Variants in FAM186A observed in about 807,000 individuals in gnomAD.
FAM186A encodes the protein protein FAM186A.
In FAM186A, 163 loss-of-function variants were observed where a neutral mutation model predicts 216.8. The ratio of observed to expected loss-of-function variants is 0.75; its 90% CI spans 0.66 to 0.86. FAM186A has a LOEUF of 0.86. FAM186A is among the 40% of genes least tolerant of loss of function. The pLI, the probability that FAM186A is intolerant of heterozygous loss-of-function variation, is 0.00. For missense variants in FAM186A, 2,184 were observed against 2,746.2 expected (o/e 0.80, Z 4.58); for synonymous variants, 805 against 1,025.3 (o/e 0.79, Z 4.10).
intron 3 of FAM186A, among the ~76,000 whole-genome samples, chr12:50,358,922 C>CAT (rs1943004616): frequency 8.4e-6 from 1 of 118,730 alleles, no homozygotes; most frequent in Non-Finnish European, 1.7e-5. Flanking sequence ...GACTCTGTCT[C>CAT]AAAAAAAAAA....
At position 50,354,895 on chromosome 12, in the gene FAM186A, A is replaced by C. The variant is rs1244277409; in HGVS notation, c.1937T>G (p.Val646Gly). Residue 646 changes from valine (V) to glycine (G), a missense_variant, in exon 4 of 8, where the codon GTG (valine) becomes GGG (glycine). Physicochemically the swap from Val to Gly is moderately radical, Grantham distance 109. This residue lies in a region of FAM186A where 1,132 missense variants were observed against 1,263.4 expected (regional missense o/e 0.90). Transcript: ENST00000327337. ...GGTAGATTCTGAAGTCTCTTTAGCC[A>C]CTCTTGAGAGTGATTTAACAAGTTG... is the stretch of plus-strand genomic sequence containing the variant. Reference protein sequence around the residue: ...SHQLVKSLSRVAKETSESTRV... With the variant: ...SHQLVKSLSRGAKETSESTRV... 6.5e-7 allele frequency: 1 copy of C among 1,550,244 alleles called. No homozygotes were observed. The highest frequency in any genetic ancestry group is 8.7e-7 in the Non-Finnish European group (1 of 1,146,804).
Position 50,363,329 on chromosome 12 carries a change from A to C in FAM186A, c.228T>G (p.Asn76Lys), listed in dbSNP as rs996398682. The C allele has an allele frequency of 6.4e-7, 1 of 1,551,114 alleles. No homozygotes were observed. Among genetic ancestry groups the C allele is most frequent in the Non-Finnish European group, 8.7e-7 (1 of 1,146,874 alleles). The change falls in exon 2 of 8, where the codon AAT becomes AAG. Residue 76 changes from asparagine (N) to lysine (K), a missense_variant. By Grantham distance (94) the Asn-to-Lys change is moderately conservative. Coordinates refer to ENST00000327337, the MANE Select transcript of FAM186A (RefSeq NM_001145475.3). ...TATAGCGAGTCATTATCCGATGCAC[A>C]TTGTTCATTATTTCACTCAGCTGCA... ...IDMQLSEIMN[N>K]VHRIMTRYTL... is the part of the protein sequence containing the mutation.
At position 50,334,083 on chromosome 12, in the gene FAM186A, A is replaced by G; in HGVS notation, c.6524T>C (p.Leu2175Pro). The change falls in exon 5 of 8, where the codon CTA (leucine) becomes CCA (proline). Residue 2175 changes from leucine to proline, a missense_variant. This residue lies in a region of FAM186A where 721 missense variants were observed against 816.4 expected (regional missense o/e 0.88). Transcript: ENST00000327337. ...TTTCCCAGTATTTTGGATGGCTTTT[A>G]GTCGTTTCATTATGTTGTTCCTTGA... ...QHARNNIMKRLKAIQNTGKGY... is the reference protein window; with the variant it reads ...QHARNNIMKRPKAIQNTGKGY... The G allele has an allele frequency of 3.2e-6, 5 of 1,547,338 alleles. No individual in the cohort carries two copies. The highest frequency in any genetic ancestry group is 3.5e-6 in the Non-Finnish European group (4 of 1,145,852).
chr12:50,360,193 G>A (rs1041950798), intron 3 of FAM186A, among the ~76,000 whole-genome samples: 46 of 148,884 alleles, frequency 3.1e-4, no homozygotes, highest in Non-Finnish European at 5.9e-4. Flanking sequence ...GCAGTGAACT[G>A]AGATCTGGCC....
chr12:50,353,850 T>A lies in FAM186A; in HGVS notation c.2982A>T (p.Gln994His). 6.4e-7 allele frequency: 1 copy of A among 1,551,686 alleles called. No individual in the cohort carries two copies. The highest frequency in any genetic ancestry group is 8.7e-7 in the Non-Finnish European group (1 of 1,146,972). The change falls in exon 4 of 8, where the codon CAA becomes CAT. Residue 994 changes from glutamine to histidine, a missense_variant. Transcript: ENST00000327337. Reference sequence around the variant, plus strand: ...TGACCATTTTTTCTAGCTCTTTAGGTTGTGTTTCCTTCATCTGCATCTGAT... The same window carrying A: ...TGACCATTTTTTCTAGCTCTTTAGGATGTGTTTCCTTCATCTGCATCTGAT... ...TKDQMQMKET[Q>H]PKELEKMVIQ...
Position 50,355,734 on chromosome 12 carries a change from T to A in FAM186A, c.1098A>T (p.Lys366Asn). The change falls in exon 4 of 8, where the codon AAA becomes AAT. Residue 366 changes from lysine to asparagine, a missense_variant. Physicochemically the swap from Lys to Asn is moderately conservative, Grantham distance 94. Around this residue, in one of 7 missense-constraint regions of FAM186A, gnomAD observed 1,132 missense variants for 1,263.4 expected, o/e 0.90. Coordinates refer to ENST00000327337, the MANE Select transcript of FAM186A (RefSeq NM_001145475.3). ...CCATATTGTCCTCAGTATCACCAAC[T>A]TTGATTATCGCCCTGGATGACTGTG... is the stretch of plus-strand genomic sequence containing the variant. Reference protein sequence around the residue: ...PSPQSSRAIIKVGDTEDNMDN... With the variant: ...PSPQSSRAIINVGDTEDNMDN... 6.4e-7 allele frequency: 1 copy of A among 1,551,660 alleles called. No homozygotes were observed. Among genetic ancestry groups the A allele is most frequent in the African/African-American group, 1.4e-5 (1 of 73,176 alleles).
chr12:50,351,334 G>A lies in FAM186A; in HGVS notation c.5498C>T (p.Thr1833Ile). The A allele has an allele frequency of 6.7e-7, 1 of 1,500,902 alleles. No individual in the cohort carries two copies. The highest frequency in any genetic ancestry group is 1.4e-5 in the African/African-American group (1 of 71,048). 93.0% of individuals were successfully genotyped at this position (1,500,902 alleles called of 1,614,324 possible). A position where few individuals can be genotyped will look rare whatever the true frequency, so the allele number is the denominator to read the frequency against. ...TCCAGCTATAAAGGGCTGCCCTGGA[G>A]TGGGAGGGGCCCGAGATATTGGGAG... The part of the protein sequence containing the change: ...GQLPISRAPP[T>I]PGQPFIAGVP... Residue 1833 changes from threonine to isoleucine, a missense_variant, in exon 4 of 8, where the codon ACT becomes ATT. Thr to Ile is a moderately conservative substitution (Grantham distance 89). Transcript: ENST00000327337.
intron 5 of FAM186A, among the ~76,000 whole-genome samples, chr12:50,332,953 A>T (rs1179060359): frequency 1.3e-5 from 2 of 151,992 alleles, no homozygotes; most frequent in African/African-American, 4.8e-5. Context: ...ACTTGAACCC[A>T]GGAGGCGGAG....
chr12:50,330,006 T>A (rs1174745986), intron 7 of FAM186A, among the ~76,000 whole-genome samples: 1 of 152,202 alleles, frequency 6.6e-6, no homozygotes, highest in Admixed American at 6.5e-5. Flanking sequence ...TGATTTAGAA[T>A]ATTAAATAAT....
At chr12:50,342,650 G>T (rs1242682864) in intron 4 of FAM186A, among the ~76,000 whole-genome samples, 1 of 151,192 alleles carries the variant, frequency 6.6e-6, no homozygotes, top group Non-Finnish European at 1.5e-5. Context: ...AGTTTTGTTT[G>T]TATTTTTAGT....
chr12:50,358,002 A>G (rs1236368375), intron 3 of FAM186A, among the ~76,000 whole-genome samples: 3 of 122,166 alleles, frequency 2.5e-5, no homozygotes, highest in African/African-American at 5.9e-5. Flanking sequence ...ATAAATAAAT[A>G]AATGAAAAGA....
At position 50,334,131 on chromosome 12, in the gene FAM186A, G is replaced by T. The variant is rs369438829; in HGVS notation, c.6504-28C>A. 2.7e-4 allele frequency: 409 copies of T among 1,490,478 alleles called. 1 individual carries two copies. Among genetic ancestry groups the T allele is most frequent in the Non-Finnish European group, 5.8e-5 (65 of 1,115,366 alleles). 92.3% of individuals were successfully genotyped at this position (1,490,478 alleles called of 1,614,324 possible). On this transcript the variant is annotated intron_variant, in intron 4 of 7. Coordinates refer to ENST00000327337, the MANE Select transcript of FAM186A (RefSeq NM_001145475.3). Reference sequence around the variant, plus strand: ...TGAAAAGATTAATAAAAATTAGAGCGATAATAGTTGCAGACCCTACTTCAA... The same window carrying T: ...TGAAAAGATTAATAAAAATTAGAGCTATAATAGTTGCAGACCCTACTTCAA...
Position 50,331,712 on chromosome 12 carries a change from AG to A in FAM186A, c.6805del (p.Leu2269Ter). ...GTCAGAGGTTCTGTCCTCTTCCATT[AG>A]TAATTTTAAGAATGGCTTTTGAACA... The part of the protein sequence containing the change: ...TFVQKPFLKL[L>X]MEEDRTSDIC... On this transcript the variant is annotated frameshift_variant, in exon 6 of 8. Coordinates refer to ENST00000327337, the MANE Select transcript of FAM186A (RefSeq NM_001145475.3). LOFTEE classifies it high-confidence loss of function. 2 of 1,547,410 alleles carry A rather than the reference AG, an allele frequency of 1.3e-6. No homozygotes were observed. The highest frequency in any genetic ancestry group is 1.7e-6 in the Non-Finnish European group (2 of 1,146,138).
At chr12:50,337,987 T>C (rs1414263670) in intron 4 of FAM186A, among the ~76,000 whole-genome samples, 2 of 152,208 alleles carry the variant, frequency 1.3e-5, no homozygotes, top group African/African-American at 2.4e-5. Flanking sequence ...AGCCTCTATC[T>C]AGAATCATGG....
At chr12:50,373,264 G>A (rs1943167402) in intron 1 of FAM186A, among the ~76,000 whole-genome samples, 1 of 152,098 alleles carries the variant, frequency 6.6e-6, no homozygotes, top group African/African-American at 2.4e-5. Context: ...GGGTGTGGTG[G>A]CACGCACCTG....
chr12:50,328,977 G>A (rs992827257), intron 7 of FAM186A, among the ~76,000 whole-genome samples: 3 of 152,074 alleles, frequency 2.0e-5, no homozygotes, highest in South Asian at 4.1e-4. Context: ...AAATTAGCTA[G>A]GCATGGTGGC....
chr12:50,327,491 A>G, intron 7 of FAM186A, 87 bp from the exon 8 acceptor site: 1 of 962,570 alleles, frequency 1.0e-6, no homozygotes, highest in Non-Finnish European at 1.6e-6. Flanking sequence ...GGAAAATAAA[A>G]GTGCCTCCAG....
chr12:50,369,364 G>A (rs1265159288), intron 1 of FAM186A, among the ~76,000 whole-genome samples: 1 of 151,534 alleles, frequency 6.6e-6, no homozygotes, highest in East Asian at 1.9e-4. Context: ...GGTGGTGGGC[G>A]CCTGTAGACC....
chr12:50,329,620 CAG>C (rs1233869069), intron 7 of FAM186A, among the ~76,000 whole-genome samples: 2 of 146,740 alleles, frequency 1.4e-5, no homozygotes, highest in African/African-American at 5.1e-5. Context: ...TTTTTTGAGA[CAG>C]AGTCTCACTC....
Sources: allele counts gnomAD v4.1 joint callset (sites outside exome capture counted in the v4.1 genomes callset), GRCh38; gene constraint gnomAD v4.1.1; regional missense constraint gnomAD v4.1.1; transcripts MANE v1.5; gene names NCBI Gene and HGNC (gene_info 2026-07-23, HGNC 2026-07-21).